The following SKA3 variants were observed in gnomAD, a reference collection of about 807,000 sequenced individuals.
SKA3 encodes spindle and kinetochore-associated protein 3.
Under a neutral mutation model 44.2 loss-of-function variants are expected in SKA3, and 39 were observed. That is an observed-to-expected ratio of 0.88 (90% CI 0.68 to 1.15). SKA3 has a LOEUF of 1.15. Among genes scored for constraint, SKA3 ranks in the 50% most tolerant of loss-of-function variants. The pLI is 0.00. For synonymous variants in SKA3, 192 were observed against 172.0 expected (o/e 1.12, Z -0.91); for missense variants, 511 against 485.8 (o/e 1.05, Z -0.49).
chr13:21,173,901 C>T (rs1288802681), intron 1 of SKA3, among the ~76,000 whole-genome samples: 1 of 152,138 alleles, frequency 6.6e-6, no homozygotes, highest in East Asian at 1.9e-4. Flanking sequence ...TATGCATATG[C>T]TCAACTTCAG....
chr13:21,173,117 T>C (rs1161154811), intron 1 of SKA3, among the ~76,000 whole-genome samples: 1 of 152,204 alleles, frequency 6.6e-6, no homozygotes, highest in Non-Finnish European at 1.5e-5. Context: ...CCTAAGTATA[T>C]AGTTTAATGA....
At chr13:21,164,841 A>G (rs899916342) in intron 4 of SKA3, among the ~76,000 whole-genome samples, 7 of 152,082 alleles carry the variant, frequency 4.6e-5, no homozygotes, top group African/African-American at 1.4e-4. Context: ...CAGCCTCCCA[A>G]GCAGGTGGAA....
chr13:21,169,346 C>T (rs1012644837), intron 3 of SKA3, among the ~76,000 whole-genome samples: 4 of 152,034 alleles, frequency 2.6e-5, no homozygotes, highest in East Asian at 1.9e-4. Context: ...ACTATAGGCA[C>T]GCACCACCAT....
intron 4 of SKA3, among the ~76,000 whole-genome samples, chr13:21,167,296 C>G (rs1413618006): frequency 1.3e-5 from 2 of 150,590 alleles, no homozygotes; most frequent in Non-Finnish European, 2.9e-5. Context: ...ATCACAAGTT[C>G]TTACTAATTT....
chr13:21,165,470 C>T (rs771133191), intron 4 of SKA3, among the ~76,000 whole-genome samples: 1 of 151,840 alleles, frequency 6.6e-6, no homozygotes, highest in Non-Finnish European at 1.5e-5. Flanking sequence ...GAAATAGTTG[C>T]CCTGTGTAAC....
At chr13:21,155,408 ATTT>A (rs369888291) in intron 8 of SKA3, among the ~76,000 whole-genome samples, 2 of 144,958 alleles carry the variant, frequency 1.4e-5, no homozygotes. Flanking sequence ...TCAAATGTTA[ATTT>A]TTTTTTTTTT....
intron 3 of SKA3, among the ~76,000 whole-genome samples, chr13:21,170,995 T>G (rs1335961507): frequency 1.3e-5 from 2 of 152,132 alleles, no homozygotes; most frequent in Non-Finnish European, 1.5e-5. Context: ...GGCGTGATAG[T>G]AGCTCACTGT....
chr13:21,161,435 C>G (rs1180941161), intron 5 of SKA3, among the ~76,000 whole-genome samples: 3 of 152,134 alleles, frequency 2.0e-5, no homozygotes, highest in Non-Finnish European at 2.9e-5. Context: ...AAATTGGCAG[C>G]TGATGTATTC....
intron 3 of SKA3, 41 bp from the exon 4 acceptor site, chr13:21,168,440 G>A (rs746942106): frequency 6.7e-6 from 10 of 1,503,636 alleles, no homozygotes; most frequent in Admixed American, 2.3e-5. Flanking sequence ...AACTCAAAAT[G>A]GAAAATTTCA....
At chr13:21,162,992 C>T (rs1442560478) in intron 4 of SKA3, among the ~76,000 whole-genome samples, 1 of 152,184 alleles carries the variant, frequency 6.6e-6, no homozygotes, top group East Asian at 1.9e-4. Context: ...CTGCAGTGAG[C>T]TATCATCCTG....
intron 5 of SKA3, 81 bp downstream of exon 5, chr13:21,161,709 G>T: frequency 1.3e-6 from 1 of 793,900 alleles, no homozygotes; most frequent in Non-Finnish European, 1.9e-6. Flanking sequence ...CTATTAGAAT[G>T]TCTAAGATGA....
chr13:21,167,886 G>A, intron 4 of SKA3, 102 bp downstream of exon 4: 1 of 885,492 alleles, frequency 1.1e-6, no homozygotes, highest in Non-Finnish European at 1.5e-6. Flanking sequence ...ACTTTTTAAA[G>A]CAAAAATGTC....
chr13:21,155,134 T>C lies in SKA3; in HGVS notation c.*16A>G, dbSNP rs1403526194. ...CATTTTGTTCAGTTTCTGTGTTGGA[T>C]AGATCCACTGGAATTTCTGCAACAG... On this transcript the variant is annotated 3_prime_UTR_variant, in exon 9 of 9. Coordinates refer to ENST00000314759, the MANE Select transcript of SKA3 (RefSeq NM_145061.6). 5 of 1,612,640 alleles carry C rather than the reference T, an allele frequency of 3.1e-6. No homozygotes were observed. Among genetic ancestry groups the C allele is most frequent in the African/African-American group, 2.7e-5 (2 of 75,014 alleles).
chr13:21,163,974 G>A (rs1170904560), intron 4 of SKA3, among the ~76,000 whole-genome samples: 1 of 151,268 alleles, frequency 6.6e-6, no homozygotes, highest in African/African-American at 2.4e-5. Flanking sequence ...ATGTTGGCTA[G>A]GCTGGTCTCG....
At chr13:21,161,657 C>T (rs1157997125) in intron 5 of SKA3, 133 bp downstream of exon 5, 4 of 533,300 alleles carry the variant, frequency 7.5e-6, no homozygotes, top group Non-Finnish European at 9.4e-6. Context: ...TGAAATGGTA[C>T]TTAATGTAAT....
intron 1 of SKA3, among the ~76,000 whole-genome samples, chr13:21,174,354 G>A (rs1461402011): frequency 1.3e-5 from 2 of 152,170 alleles, no homozygotes; most frequent in Non-Finnish European, 2.9e-5. Flanking sequence ...GTCCATCAAT[G>A]ATAGACTGGA....
intron 1 of SKA3, among the ~76,000 whole-genome samples, chr13:21,174,982 ATAGT>A (rs1871371830): frequency 6.6e-6 from 1 of 152,074 alleles, no homozygotes; most frequent in African/African-American, 2.4e-5. Context: ...CCATCTGAAG[ATAGT>A]TTTTTCTTTC....
chr13:21,171,337 G>A (rs1024313610), intron 3 of SKA3, among the ~76,000 whole-genome samples: 1 of 152,164 alleles, frequency 6.6e-6, no homozygotes, highest in Admixed American at 6.5e-5. Flanking sequence ...AGCACTTTGG[G>A]AGGCCGAGAC....
chr13:21,165,346 T>C (rs1027337920), intron 4 of SKA3, among the ~76,000 whole-genome samples: 21 of 151,838 alleles, frequency 1.4e-4, no homozygotes, highest in Non-Finnish European at 2.9e-4. Context: ...TGCTTGAGTC[T>C]AGGAAGTCGA....
Sources: gnomAD v4.1 joint callset for allele counts (sites outside exome capture counted in the v4.1 genomes callset) on GRCh38, gnomAD v4.1.1 for gene constraint, MANE v1.5 for transcripts, NCBI Gene and HGNC (gene_info 2026-07-23, HGNC 2026-07-21) for gene names.